Variants in CCDC50 observed in about 807,000 individuals in gnomAD.
The protein encoded by CCDC50 is coiled-coil domain containing 50.
In CCDC50, 54 loss-of-function variants were observed where a neutral mutation model predicts 70.2. That is an observed-to-expected ratio of 0.77 (90% CI 0.62 to 0.96). The LOEUF is 0.96. CCDC50 is among the 50% of genes least tolerant of loss of function. The probability of loss-of-function intolerance (pLI) is 0.00; values close to 1 mark genes in which losing one functional copy is unlikely to be tolerated. For missense variants in CCDC50, 558 were observed against 578.7 expected, an observed-to-expected ratio of 0.96 and a Z score of 0.37; for synonymous variants, 216 against 198.8, an observed-to-expected ratio of 1.09 and a Z score of -0.73.
intron 4 of CCDC50, among the ~76,000 whole-genome samples, chr3:191,364,892 T>C (rs1712627979): frequency 6.6e-6 from 1 of 152,208 alleles, no homozygotes; most frequent in African/African-American, 2.4e-5. Flanking sequence ...CTGTTTATTT[T>C]TAACTCTTTT....
chr3:191,368,635 C>T (rs1712787058), intron 4 of CCDC50, among the ~76,000 whole-genome samples: 1 of 151,824 alleles, frequency 6.6e-6, no homozygotes. Flanking sequence ...TTCATTCGCA[C>T]CTATTCATAA....
At chr3:191,341,278 A>T (rs1271234660) in intron 1 of CCDC50, among the ~76,000 whole-genome samples, 1 of 152,210 alleles carries the variant, frequency 6.6e-6, no homozygotes, top group South Asian at 2.1e-4. Flanking sequence ...GGCTCTATTT[A>T]TTGAGCTGCT....
intron 9 of CCDC50, 137 bp from the exon 10 acceptor site, chr3:191,382,609 A>T: frequency 3.1e-6 from 2 of 635,366 alleles, no homozygotes; most frequent in Non-Finnish European, 5.7e-6. Flanking sequence ...CCTCAATTAA[A>T]TATAATTAAT....
At chr3:191,356,598 T>C (rs1219806330) in intron 1 of CCDC50, among the ~76,000 whole-genome samples, 2 of 152,202 alleles carry the variant, frequency 1.3e-5, no homozygotes, top group African/African-American at 4.8e-5. Context: ...ATATATTTTT[T>C]CTTGAAAGAC....
chr3:191,330,558 C>G (rs1717946046), intron 1 of CCDC50: 1 of 152,076 alleles, frequency 6.6e-6, no homozygotes, highest in East Asian at 1.9e-4. Flanking sequence ...TTCTTTGGTC[C>G]TAGGAAGCAT....
chr3:191,375,117 T>G lies in CCDC50; in HGVS notation c.504T>G (p.Cys168Trp). Residue 168 changes from cysteine (C) to tryptophan (W), a missense_variant, in exon 6 of 12, where the codon TGT becomes TGG. By Grantham distance (215) the Cys-to-Trp change is radical. Coordinates refer to ENST00000392455, the MANE Select transcript of CCDC50 (RefSeq NM_178335.3). ...TGGGTTCTGGATTCTCAAGACCTTG[T>G]AGACTCCAAAGAGATGGAAAGACTG... ...RELGSGFSRP[C>W]RLQRDGKTVK... The G allele has an allele frequency of 6.2e-7, 1 of 1,613,578 alleles. No homozygotes were observed. The highest frequency in any genetic ancestry group is 8.5e-7 in the Non-Finnish European group (1 of 1,179,718).
chr3:191,366,674 GT>G (rs138659618), intron 4 of CCDC50, among the ~76,000 whole-genome samples: 67 of 149,716 alleles, frequency 4.5e-4, no homozygotes, highest in South Asian at 1.3e-3. Flanking sequence ...AAGATAACAG[GT>G]TTTTTTTTTC....
chr3:191,382,643 G>A, intron 9 of CCDC50, 103 bp from the exon 10 acceptor site: 1 of 756,656 alleles, frequency 1.3e-6, no homozygotes, highest in Non-Finnish European at 2.3e-6. Context: ...GGAAGAGCTT[G>A]GCATGATAAA....
intron 4 of CCDC50, among the ~76,000 whole-genome samples, chr3:191,361,504 C>T (rs1712486426): frequency 6.6e-6 from 1 of 152,152 alleles, no homozygotes; most frequent in South Asian, 2.1e-4. Context: ...GTCACGCTAC[C>T]TCTTGGGAAG....
At position 191,329,400 on chromosome 3, in the gene CCDC50, G is replaced by C. The variant is rs952951395; in HGVS notation, c.-275G>C. The C allele has an allele frequency of 1.5e-5, 6 of 406,654 alleles. No individual in the cohort carries two copies. Among genetic ancestry groups the C allele is most frequent in the Non-Finnish European group, 2.6e-5 (6 of 231,926 alleles). The allele number at this position is 406,654 out of a possible 1,614,324, so 25.2% of individuals were successfully genotyped here. ...TACTGGACGGCCCCGGTCCATTTCCGGGCTCCGGATATTTGGTATCGATTG... is the reference window on the plus strand; with the variant it reads ...TACTGGACGGCCCCGGTCCATTTCCCGGCTCCGGATATTTGGTATCGATTG... On this transcript the variant is annotated 5_prime_UTR_variant, in exon 1 of 12. Coordinates refer to ENST00000392455, the MANE Select transcript of CCDC50 (RefSeq NM_178335.3).
At chr3:191,383,542 T>G (rs1166195309) in intron 10 of CCDC50, among the ~76,000 whole-genome samples, 1 of 152,200 alleles carries the variant, frequency 6.6e-6, no homozygotes, top group Non-Finnish European at 1.5e-5. Context: ...AACTCTGAAT[T>G]ATTCAAATTT....
At chr3:191,332,498 A>G (rs1445358169) in intron 1 of CCDC50, among the ~76,000 whole-genome samples, 1 of 152,222 alleles carries the variant, frequency 6.6e-6, no homozygotes, top group Admixed American at 6.5e-5. Context: ...AATATTCAGG[A>G]ATAATACTCT....
chr3:191,353,304 C>A (rs1375547717), intron 1 of CCDC50, among the ~76,000 whole-genome samples: 1 of 141,662 alleles, frequency 7.1e-6, no homozygotes, highest in Non-Finnish European at 1.6e-5. Context: ...TAATAGCAGA[C>A]TGGGACTAGT....
intron 3 of CCDC50, among the ~76,000 whole-genome samples, chr3:191,360,547 A>G (rs575707357): frequency 1.1e-4 from 16 of 152,364 alleles, no homozygotes; most frequent in African/African-American, 3.1e-4. Context: ...AATTATTACA[A>G]TGAGTGAAGG....
intron 4 of CCDC50, among the ~76,000 whole-genome samples, chr3:191,364,801 C>T (rs1051672542): frequency 6.6e-6 from 1 of 151,986 alleles, no homozygotes; most frequent in African/African-American, 2.4e-5. Context: ...GTCTTTCTAG[C>T]TTTGAGAACT....
chr3:191,361,805 T>C (rs575772270), intron 4 of CCDC50, among the ~76,000 whole-genome samples: 8 of 152,132 alleles, frequency 5.3e-5, no homozygotes, highest in Non-Finnish European at 1.2e-4. Flanking sequence ...CTATTCAGCT[T>C]ACTACAAGGT....
At chr3:191,337,475 G>T (rs1269739188) in intron 1 of CCDC50, among the ~76,000 whole-genome samples, 1 of 151,694 alleles carries the variant, frequency 6.6e-6, no homozygotes, top group Non-Finnish European at 1.5e-5. Flanking sequence ...CTCCCGAGTA[G>T]CTGGGATTAC....
chr3:191,355,785 C>T (rs778398235), intron 1 of CCDC50, among the ~76,000 whole-genome samples: 21 of 152,258 alleles, frequency 1.4e-4, no homozygotes, highest in Admixed American at 2.0e-4. Flanking sequence ...TATGTTTGAG[C>T]GAGGATTAAG....
chr3:191,360,369 C>T (rs1253013835), intron 3 of CCDC50, among the ~76,000 whole-genome samples: 1 of 152,200 alleles, frequency 6.6e-6, no homozygotes, highest in Non-Finnish European at 1.5e-5. Flanking sequence ...TTTGGGTTTG[C>T]CTTCTCTACG....
Sources: allele counts gnomAD v4.1 joint callset (sites outside exome capture counted in the v4.1 genomes callset), GRCh38; gene constraint gnomAD v4.1.1; transcripts MANE v1.5; gene names NCBI Gene and HGNC (gene_info 2026-07-23, HGNC 2026-07-21).